The following CYRIA variants were observed in gnomAD, a reference collection of about 807,000 sequenced individuals.
CYRIA encodes CYFIP related Rac1 interactor A.
In CYRIA, 15 loss-of-function variants were observed where a neutral mutation model predicts 43.9. That is an observed-to-expected ratio of 0.34 (90% CI 0.23 to 0.53). CYRIA has a LOEUF of 0.53. Among genes scored for constraint, CYRIA ranks in the 20% least tolerant of loss-of-function variants. The pLI, the probability that CYRIA is intolerant of heterozygous loss-of-function variation, is 0.94. For missense variants in CYRIA, 236 were observed against 394.2 expected, an observed-to-expected ratio of 0.60 and a Z score of 3.40; for synonymous variants, 117 against 136.0, an observed-to-expected ratio of 0.86 and a Z score of 0.97.
intron 3 of CYRIA, among the ~76,000 whole-genome samples, chr2:16,574,483 C>T (rs913914820): frequency 5.3e-5 from 8 of 152,204 alleles, no homozygotes; most frequent in Admixed American, 2.6e-4. Flanking sequence ...GGGAAAATGT[C>T]TCCAGGGTAT....
At chr2:16,591,582 C>T (rs1667931126) in intron 2 of CYRIA, among the ~76,000 whole-genome samples, 1 of 152,078 alleles carries the variant, frequency 6.6e-6, no homozygotes, top group South Asian at 2.1e-4. Context: ...AAATGGGTGG[C>T]AGAGTAGCTT....
intron 3 of CYRIA, 151 bp downstream of exon 3, chr2:16,587,899 G>A (rs1667789970): frequency 2.0e-6 from 1 of 507,122 alleles, no homozygotes; most frequent in Non-Finnish European, 3.5e-6. Flanking sequence ...TCAGTCTCAT[G>A]TATGTCTTTA....
intron 1 of CYRIA, among the ~76,000 whole-genome samples, chr2:16,630,070 C>A (rs924892528): frequency 6.6e-6 from 1 of 152,160 alleles, no homozygotes; most frequent in Non-Finnish European, 1.5e-5. Flanking sequence ...AAGATACCAA[C>A]CCTTATTCAC....
At chr2:16,553,111 A>G (rs1187841660) in intron 11 of CYRIA, 112 bp from the exon 12 acceptor site, 13 of 736,728 alleles carry the variant, frequency 1.8e-5, no homozygotes, top group Admixed American at 9.6e-5. Context: ...TCTTTAGACA[A>G]AAATCCACAC....
chr2:16,593,243 C>T (rs1296983584), intron 2 of CYRIA, among the ~76,000 whole-genome samples: 4 of 152,050 alleles, frequency 2.6e-5, no homozygotes, highest in Non-Finnish European at 5.9e-5. Flanking sequence ...CTTTATTTTT[C>T]AAGATTGGTG....
At chr2:16,585,096 T>C (rs1168387665) in intron 3 of CYRIA, among the ~76,000 whole-genome samples, 1 of 152,122 alleles carries the variant, frequency 6.6e-6, no homozygotes, top group Non-Finnish European at 1.5e-5. Flanking sequence ...ATATTCAACA[T>C]GCCCTTAGTG....
intron 2 of CYRIA, 138 bp from the exon 3 acceptor site, chr2:16,588,267 T>C (rs1013639540): frequency 1.8e-5 from 10 of 552,696 alleles, no homozygotes; most frequent in African/African-American, 1.5e-4. Context: ...AGCAATAATG[T>C]AGCAACTCAT....
intron 3 of CYRIA, 113 bp from the exon 4 acceptor site, chr2:16,565,880 G>T: frequency 1.9e-6 from 2 of 1,050,888 alleles, no homozygotes; most frequent in Non-Finnish European, 2.6e-6. Context: ...CTGCTGCTCT[G>T]GTATTTACTC....
At chr2:16,640,609 A>G (rs1195914770) in intron 1 of CYRIA, among the ~76,000 whole-genome samples, 3 of 152,294 alleles carry the variant, frequency 2.0e-5, no homozygotes, top group Admixed American at 6.5e-5. Flanking sequence ...GGCACTGTGT[A>G]TCGCCCTCTC....
At position 16,564,089 on chromosome 2, in the gene CYRIA, A is replaced by G; in HGVS notation, c.198T>C (p.Ile66=). 1 of 1,612,968 alleles carries G rather than the reference A, an allele frequency of 6.2e-7. No individual in the cohort carries two copies. Among genetic ancestry groups the G allele is most frequent in the South Asian group, 1.1e-5 (1 of 91,036 alleles). The change falls in exon 5 of 12, where the codon ATT becomes ATC. Residue 66 remains isoleucine (I), a synonymous_variant. Transcript: ENST00000381323. ...GAAGCTGAATGTCATTGGGATTTTG[A>G]ATTGCCTGCAAAAACACAGTAGAGC... is the stretch of plus-strand genomic sequence containing the variant. The part of the protein sequence containing the change: ...KGAGPEIRDA[I]QNPNDIQLQE...
At chr2:16,609,184 T>G (rs1410437367) in intron 2 of CYRIA, among the ~76,000 whole-genome samples, 2 of 152,200 alleles carry the variant, frequency 1.3e-5, no homozygotes, top group Admixed American at 6.5e-5. Flanking sequence ...CAACATGGCT[T>G]CAGGCAGTGG....
chr2:16,663,050 G>T (rs1389494589), intron 1 of CYRIA, among the ~76,000 whole-genome samples: 1 of 152,240 alleles, frequency 6.6e-6, no homozygotes, highest in Non-Finnish European at 1.5e-5. Context: ...GCCCCTGGAG[G>T]ATGCCTCTAA....
chr2:16,604,001 A>G (rs1668292152), intron 2 of CYRIA, among the ~76,000 whole-genome samples: 1 of 152,216 alleles, frequency 6.6e-6, no homozygotes, highest in Non-Finnish European at 1.5e-5. Flanking sequence ...AAGTCTAGGA[A>G]CACGCACCTG....
intron 1 of CYRIA, among the ~76,000 whole-genome samples, chr2:16,638,012 G>A (rs1669555782): frequency 6.6e-6 from 1 of 152,140 alleles, no homozygotes; most frequent in Admixed American, 6.5e-5. Flanking sequence ...TGGTGCTGAG[G>A]GCCTGGGTAA....
chr2:16,570,522 A>G (rs1197506488), intron 3 of CYRIA, among the ~76,000 whole-genome samples: 1 of 152,240 alleles, frequency 6.6e-6, no homozygotes, highest in East Asian at 1.9e-4. Flanking sequence ...GGAGTCTTAC[A>G]CTTGGCCTTC....
intron 1 of CYRIA, among the ~76,000 whole-genome samples, chr2:16,651,356 G>A (rs924342494): frequency 1.3e-4 from 20 of 152,098 alleles, no homozygotes; most frequent in South Asian, 2.1e-4. Flanking sequence ...AAACATATAC[G>A]TGTGCATGTT....
At chr2:16,558,327 G>C (rs1053551082) in intron 10 of CYRIA, among the ~76,000 whole-genome samples, 1 of 152,054 alleles carries the variant, frequency 6.6e-6, no homozygotes, top group African/African-American at 2.4e-5. Context: ...CTTAAAATAA[G>C]TAATCCAAGT....
intron 2 of CYRIA, among the ~76,000 whole-genome samples, chr2:16,592,708 C>T (rs763115765): frequency 4.6e-5 from 7 of 152,068 alleles, no homozygotes; most frequent in Admixed American, 3.3e-4. Context: ...AATATGACTT[C>T]TACTGTGAAA....
intron 3 of CYRIA, among the ~76,000 whole-genome samples, chr2:16,581,913 C>T (rs993295496): frequency 2.0e-5 from 3 of 152,112 alleles, no homozygotes; most frequent in Non-Finnish European, 2.9e-5. Context: ...ATGTCAAAAA[C>T]ATTATATTGA....
Sources: allele counts gnomAD v4.1 joint callset (sites outside exome capture counted in the v4.1 genomes callset), GRCh38; gene constraint gnomAD v4.1.1; transcripts MANE v1.5; gene names NCBI Gene and HGNC (gene_info 2026-07-23, HGNC 2026-07-21).